Variants in NOX4 observed in about 807,000 individuals in gnomAD.
The protein encoded by NOX4 is NADPH oxidase 4, also known as kidney oxidase-1.
In NOX4, 69 loss-of-function variants were observed where a neutral mutation model predicts 87.6. The observed-to-expected ratio is 0.79, with a 90% CI of 0.65 to 0.96. The LOEUF is 0.96. Ranked by LOEUF, NOX4 falls within the 40% of genes least tolerant of loss-of-function variation. The pLI is 0.00. For missense variants in NOX4, 680 were observed against 681.5 expected (o/e 1.00, Z 0.02); for synonymous variants, 275 against 238.2 (o/e 1.15, Z -1.42).
chr11:89,328,278 C>A lies in NOX4; in HGVS notation c.1617-1402G>T, dbSNP rs188881836. Among the ~76,000 whole-genome samples the A allele has an allele frequency of 2.9e-3, 442 of 152,242 alleles. 1 individual carries two copies. The highest frequency in any genetic ancestry group is 0.01 in the South Asian group (49 of 4,828). ...AAAGAGATATCAGAGATCAACAGGA[C>A]AAATAATTGCCAGAGTTTACACAGG... On this transcript the variant is annotated intron_variant, in intron 17 of 17. Transcript: ENST00000263317.
At chr11:89,572,763 T>G in the NOX4 span, among the ~76,000 whole-genome samples, 2 of 152,202 alleles carry the variant, frequency 1.3e-5, no homozygotes, top group South Asian at 4.1e-4. Context: ...TTCTGTATTT[T>G]CTTTTTACAT....
At chr11:89,395,759 G>A (rs1246902445) in intron 11 of NOX4, among the ~76,000 whole-genome samples, 3 of 152,132 alleles carry the variant, frequency 2.0e-5, no homozygotes, top group Non-Finnish European at 4.4e-5. Flanking sequence ...ATTAAATAGG[G>A]AATCCTTTCC....
chr11:89,484,763 A>C lies in NOX4; in HGVS notation c.153+5695T>G, dbSNP rs189531571. Reference sequence around the variant, plus strand: ...TCATCAAAGAAATATAACCCATTTCACCCATCAATAAACAAGAAAATTGTG... The same window carrying C: ...TCATCAAAGAAATATAACCCATTTCCCCCATCAATAAACAAGAAAATTGTG... On this transcript the variant is annotated intron_variant, in intron 2 of 17. Coordinates refer to ENST00000263317, the MANE Select transcript of NOX4 (RefSeq NM_016931.5). Among the ~76,000 whole-genome samples, 263 of 152,266 alleles carry C rather than the reference A, an allele frequency of 1.7e-3. 2 individuals carry two copies. The highest frequency in any genetic ancestry group is 1.9e-4 in the Non-Finnish European group (13 of 67,974).
intron 12 of NOX4, among the ~76,000 whole-genome samples, chr11:89,372,984 A>G (rs1341083217): frequency 1.3e-5 from 2 of 151,998 alleles, no homozygotes; most frequent in African/African-American, 4.8e-5. Flanking sequence ...AAAAATATCT[A>G]TTCCAAAGTT....
At chr11:89,515,470 G>GT in the NOX4 span, among the ~76,000 whole-genome samples, 48 of 145,574 alleles carry the variant, frequency 3.3e-4, no homozygotes, top group Middle Eastern at 3.7e-3. Context: ...TTGGATTCAA[G>GT]TTTTTTTTTT....
At chr11:89,418,339 G>A (rs1177318582) in intron 8 of NOX4, among the ~76,000 whole-genome samples, 4 of 150,914 alleles carry the variant, frequency 2.7e-5, no homozygotes, top group African/African-American at 7.3e-5. Context: ...CTGATACCTG[G>A]GTTCAAACTG....
At chr11:89,469,265 G>C (rs973774034) in intron 2 of NOX4, among the ~76,000 whole-genome samples, 1 of 151,956 alleles carries the variant, frequency 6.6e-6, no homozygotes, top group Non-Finnish European at 1.5e-5. Flanking sequence ...TGTTCAAAGG[G>C]AGTTGAAAAA....
the NOX4 span, among the ~76,000 whole-genome samples, chr11:89,519,632 GAA>G: frequency 3.9e-5 from 6 of 152,166 alleles, no homozygotes; most frequent in African/African-American, 1.4e-4. Context: ...AGTTCAGAAA[GAA>G]GAGATCAATG....
intron 11 of NOX4, among the ~76,000 whole-genome samples, chr11:89,392,160 T>A (rs900645176): frequency 6.6e-6 from 1 of 152,200 alleles, no homozygotes; most frequent in African/African-American, 2.4e-5. Context: ...ATAAGACAAT[T>A]TTTTTTCTTA....
chr11:89,447,884 G>C (rs951109991), intron 4 of NOX4, among the ~76,000 whole-genome samples: 7 of 152,080 alleles, frequency 4.6e-5, no homozygotes, highest in African/African-American at 1.7e-4. Context: ...CACCTGCAGA[G>C]GTGGGACTAC....
intron 16 of NOX4, among the ~76,000 whole-genome samples, 192 bp downstream of exon 16, chr11:89,337,255 A>G (rs1945756490): frequency 6.6e-6 from 1 of 152,026 alleles, no homozygotes; most frequent in East Asian, 1.9e-4. Context: ...TCCCTGTGAG[A>G]AGGACAAATG....
At chr11:89,337,828 CCTT>C (rs751277052) in intron 15 of NOX4, among the ~76,000 whole-genome samples, 5 of 152,110 alleles carry the variant, frequency 3.3e-5, no homozygotes, top group African/African-American at 2.4e-5. Context: ...CTGAAATACT[CCTT>C]ATTTTATTCC....
At chr11:89,430,612 A>C (rs1197525891) in intron 7 of NOX4, among the ~76,000 whole-genome samples, 3 of 152,196 alleles carry the variant, frequency 2.0e-5, no homozygotes, top group Non-Finnish European at 2.9e-5. Flanking sequence ...CAATTGCTTC[A>C]AAGAGAATAA....
At chr11:89,457,597 A>T (rs1297552386) in intron 2 of NOX4, among the ~76,000 whole-genome samples, 1 of 152,188 alleles carries the variant, frequency 6.6e-6, no homozygotes, top group Non-Finnish European at 1.5e-5. Context: ...CAGGAGTGCT[A>T]AGCTGATCCT....
intron 8 of NOX4, among the ~76,000 whole-genome samples, chr11:89,406,291 G>A (rs1197755447): frequency 6.6e-6 from 1 of 151,944 alleles, no homozygotes; most frequent in African/African-American, 2.4e-5. Flanking sequence ...CTTCACTGTG[G>A]CCACATTTAT....
chr11:89,493,010 T>C (rs1946897749), upstream of NOX4, among the ~76,000 whole-genome samples: 2 of 152,252 alleles, frequency 1.3e-5, no homozygotes, highest in African/African-American at 2.4e-5. Context: ...TCCCAGGCTC[T>C]GTCTTTGCTA....
In NOX4 at chr11:89,405,080, T is replaced by TTGTGTGTGTGTGTGTGTGTGTGTGTG. The variant is rs71472257; in HGVS notation, c.630-2564_630-2539dup. On this transcript the variant is annotated intron_variant, in intron 8 of 17. Coordinates refer to ENST00000263317, the MANE Select transcript of NOX4 (RefSeq NM_016931.5). ...GGGTTCAAAATAAACAAAAGTCAGA[T>TTGTGTGTGTGTGTGTGTGTGTGTGTG]TGTGTGTGTGTGTGTGTGTGTGTGT... 8.7e-4 allele frequency among the ~76,000 whole-genome samples: 116 copies of TTGTGTGTGTGTGTGTGTGTGTGTGTG among 133,296 alleles called. 1 individual carries two copies. Among genetic ancestry groups the TTGTGTGTGTGTGTGTGTGTGTGTGTG allele is most frequent in the African/African-American group, 1.5e-3 (54 of 35,414 alleles). 87.4% of individuals were successfully genotyped at this position (133,296 alleles called of 152,430 possible).
chr11:89,413,347 G>T (rs1942584703), intron 8 of NOX4, among the ~76,000 whole-genome samples: 2 of 152,198 alleles, frequency 1.3e-5, no homozygotes, highest in Admixed American at 6.6e-5. Context: ...CAAAAGAAAA[G>T]AAATCAGTAT....
chr11:89,449,504 C>T lies in NOX4; in HGVS notation c.285G>A (p.Arg95=), dbSNP rs144387171. Residue 95 remains arginine, a synonymous_variant, in exon 4 of 18, where the codon AGG becomes AGA. Coordinates refer to ENST00000263317, the MANE Select transcript of NOX4 (RefSeq NM_016931.5). The part of the protein sequence containing the change: ...GSQKVPSRRT[R]RLLDKSRTFH... ...ATGTTCTGCTTTTATCCAACAATCT[C>T]CTGGTTCTCCTGCTTGGAACCTAAA... The T allele has an allele frequency of 9.6e-4, 1,547 of 1,611,686 alleles. 15 individuals carry two copies. The Middle Eastern group carries it at 0.028, about 30-fold the overall frequency.
Sources: allele counts gnomAD v4.1 joint callset (sites outside exome capture counted in the v4.1 genomes callset), GRCh38; gene constraint gnomAD v4.1.1; transcripts MANE v1.5; gene names NCBI Gene and HGNC (gene_info 2026-07-23, HGNC 2026-07-21).